TIAM1: variants seen among roughly 807,000 people sequenced by gnomAD.
TIAM1 encodes rho guanine nucleotide exchange factor TIAM1.
TIAM1 carries 65 observed loss-of-function variants against 163.5 expected under a neutral mutation model. The ratio of observed to expected loss-of-function variants is 0.40; its 90% CI spans 0.33 to 0.49. The LOEUF (loss-of-function observed/expected upper bound fraction) is 0.49. TIAM1 is among the 20% of genes least tolerant of loss of function. TIAM1 has a pLI of 0.77. For missense variants in TIAM1, 1,789 were observed against 2,044.7 expected (o/e 0.87, Z 2.41); for synonymous variants, 833 against 810.1 (o/e 1.03, Z -0.48).
rs1277879203 is a variant in TIAM1, at chr21:31,413,126, T to C, written c.-369+50857A>G. Among the ~76,000 whole-genome samples, 4 of 152,064 alleles carry C rather than the reference T, an allele frequency of 2.6e-5. No individual in the cohort carries two copies. The South Asian group carries it at 8.3e-4, about 32-fold the overall frequency. On this transcript the variant is annotated intron_variant, in intron 2 of 28. Transcript: ENST00000286827. ...TAAAATATAAAGAAACAAAATAATATCGTAATTCTCCTTTCTCAGATGCTT... is the reference window on the plus strand; with the variant it reads ...TAAAATATAAAGAAACAAAATAATACCGTAATTCTCCTTTCTCAGATGCTT...
At position 31,210,594 on chromosome 21, in the gene TIAM1, G is replaced by GAA. The variant is rs745349921; in HGVS notation, c.2218-380_2218-379insTT. On this transcript the variant is annotated intron_variant, in intron 10 of 27. Transcript: ENST00000541036. ...AGAAAGAAAGAAAGAAAGAAAGAAAGAGAGAAAGAAGGAAGGAAGGGAGAA... is the reference window on the plus strand; with the variant it reads ...AGAAAGAAAGAAAGAAAGAAAGAAAGAAAGAGAAAGAAGGAAGGAAGGGAGAA... Among the ~76,000 whole-genome samples, 226 of 94,594 alleles carry GAA rather than the reference G, an allele frequency of 2.4e-3. 12 individuals are homozygous for GAA. The highest frequency in any genetic ancestry group is 0.012 in the African/African-American group (194 of 15,916). The allele number at this position is 94,594 out of a possible 152,430, so 62.1% of individuals were successfully genotyped here. A position where few individuals can be genotyped will look rare whatever the true frequency, so the allele number is the denominator to read the frequency against.
At chr21:31,275,599 T>C (rs2073262892) in intron 3 of TIAM1, among the ~76,000 whole-genome samples, 1 of 152,232 alleles carries the variant, frequency 6.6e-6, no homozygotes, top group Admixed American at 6.5e-5. Flanking sequence ...TGTTTTTAAG[T>C]ACCCTCTTCT....
intron 2 of TIAM1, among the ~76,000 whole-genome samples, chr21:31,281,519 T>C (rs747118008): frequency 6.6e-6 from 1 of 152,186 alleles, no homozygotes; most frequent in Non-Finnish European, 1.5e-5. Flanking sequence ...ACATTGAGCT[T>C]AAACAGTGGG....
intron 1 of TIAM1, among the ~76,000 whole-genome samples, chr21:31,544,191 G>C (rs2048412604): frequency 6.6e-6 from 1 of 151,836 alleles, no homozygotes; most frequent in Non-Finnish European, 1.5e-5. Context: ...CAGGGGGGCA[G>C]AGGGAGATGG....
At chr21:31,197,367 A>G (rs1236417692) in intron 12 of TIAM1, among the ~76,000 whole-genome samples, 1 of 151,380 alleles carries the variant, frequency 6.6e-6, no homozygotes, top group Non-Finnish European at 1.5e-5. Flanking sequence ...TCAATATTTC[A>G]TTTTCTTTTT....
At chr21:31,292,817 C>T (rs1486134968) in intron 2 of TIAM1, among the ~76,000 whole-genome samples, 1 of 151,976 alleles carries the variant, frequency 6.6e-6, no homozygotes, top group African/African-American at 2.4e-5. Flanking sequence ...GACAGGTGCG[C>T]ACCACCACGC....
Position 31,141,109 on chromosome 21 carries a change from G to A in TIAM1, c.3774+9C>T. The A allele has an allele frequency of 6.2e-7, 1 of 1,603,934 alleles. No homozygotes were observed. Among genetic ancestry groups the A allele is most frequent in the African/African-American group, 1.3e-5 (1 of 74,684 alleles). On this transcript the variant is annotated intron_variant, in intron 22 of 27. Transcript: ENST00000541036. The surrounding 1 kb of genome is among the most constrained non-coding windows in gnomAD (Gnocchi z 4.7). ...CTGACAGATGTCCTGAGAAGATGGGGACCCTCACCTCTTTTTTCTCACCAG... is the reference window on the plus strand; with the variant it reads ...CTGACAGATGTCCTGAGAAGATGGGAACCCTCACCTCTTTTTTCTCACCAG...
At chr21:31,362,830 T>G (rs1273487485) in intron 2 of TIAM1, among the ~76,000 whole-genome samples, 1 of 152,096 alleles carries the variant, frequency 6.6e-6, no homozygotes, top group Non-Finnish European at 1.5e-5. Flanking sequence ...TCACTCTCAT[T>G]CTTACTTACA....
At chr21:31,183,981 C>G (rs1051510555) in intron 14 of TIAM1, among the ~76,000 whole-genome samples, 1 of 152,154 alleles carries the variant, frequency 6.6e-6, no homozygotes, top group Admixed American at 6.6e-5. Context: ...CGAAGTCTCA[C>G]TCTGTTGCCC....
intron 2 of TIAM1, among the ~76,000 whole-genome samples, chr21:31,288,774 C>T (rs1005516485): frequency 6.6e-6 from 1 of 152,142 alleles, no homozygotes; most frequent in African/African-American, 2.4e-5. Context: ...AAGTTTCAAA[C>T]ATTATCTCAA....
chr21:31,147,149 A>T (rs1236121419), intron 19 of TIAM1, 146 bp from the exon 20 acceptor site: 3 of 658,274 alleles, frequency 4.6e-6, no homozygotes, highest in Middle Eastern at 2.5e-4. Flanking sequence ...TTGCTATCAA[A>T]TGCCCTAAAA....
rs2081965802 is a variant in TIAM1 at position 31,120,636 on chromosome 21, T to C, written c.4508A>G (p.Asp1503Gly). The change falls in exon 28 of 28, where the codon GAC becomes GGC. Residue 1503 changes from aspartate to glycine, a missense_variant. Asp to Gly is a moderately conservative substitution (Grantham distance 94, BLOSUM62 -1). Coordinates refer to ENST00000541036, the MANE Select transcript of TIAM1 (RefSeq NM_001353694.2). The surrounding 1 kb of genome is among the most constrained non-coding windows in gnomAD (Gnocchi z 4.2). ...GAACTCATCATCGTCACTGAGGATG[T>C]CTGTCTCCTTGATGTCATCTTGCTC... ...YEEQDDIKETDILSDDDEFCE... is the reference protein window; with the variant it reads ...YEEQDDIKETGILSDDDEFCE... The C allele has an allele frequency of 6.2e-7, 1 of 1,614,032 alleles. No individual in the cohort carries two copies. The highest frequency in any genetic ancestry group is 1.7e-5 in the Admixed American group (1 of 59,996).
chr21:31,382,677 A>AT (rs1195150473), intron 2 of TIAM1, among the ~76,000 whole-genome samples: 1 of 152,170 alleles, frequency 6.6e-6, no homozygotes, highest in Non-Finnish European at 1.5e-5. Context: ...TATAAAACAG[A>AT]TTTTTTTAAC....
In TIAM1 at chr21:31,509,012, G is replaced by A. The variant is rs142216629; in HGVS notation, c.-421-44977C>T. On this transcript the variant is annotated intron_variant, in intron 1 of 28. Transcript: ENST00000286827. The stretch of plus-strand genomic sequence containing the variant: ...TGCCTCCACCCCCATGTCTAGAGAA[G>A]CCAGCAAGAGGTGAGACCCCCTGGA... 6.0e-4 allele frequency among the ~76,000 whole-genome samples: 92 copies of A among 152,294 alleles called. 1 individual carries two copies. Among genetic ancestry groups the A allele is most frequent in the African/African-American group, 2.1e-3 (87 of 41,552 alleles).
At chr21:31,504,718 C>T (rs1410230954) in intron 1 of TIAM1, among the ~76,000 whole-genome samples, 3 of 152,130 alleles carry the variant, frequency 2.0e-5, no homozygotes, top group African/African-American at 4.8e-5. Context: ...GTTTTTTCTA[C>T]GTTCAGATCC....
intron 15 of TIAM1, among the ~76,000 whole-genome samples, chr21:31,172,561 A>G (rs1172046495): frequency 6.6e-6 from 1 of 152,180 alleles, no homozygotes; most frequent in East Asian, 1.9e-4. Context: ...GCCCATCCAC[A>G]TCCCAGTACT....
At chr21:31,228,415 G>A (rs1852339272) in intron 6 of TIAM1, among the ~76,000 whole-genome samples, 1 of 151,868 alleles carries the variant, frequency 6.6e-6, no homozygotes, top group Non-Finnish European at 1.5e-5. Flanking sequence ...TTGAATATAT[G>A]CATACCCTGT....
At chr21:31,350,838 G>A (rs984054775) in intron 2 of TIAM1, among the ~76,000 whole-genome samples, 1 of 152,210 alleles carries the variant, frequency 6.6e-6, no homozygotes, top group Admixed American at 6.5e-5. Context: ...TACACGATGA[G>A]ACATCTAGCA....
chr21:31,214,043 G>C (rs2087034732), intron 9 of TIAM1, among the ~76,000 whole-genome samples: 1 of 151,860 alleles, frequency 6.6e-6, no homozygotes, highest in Non-Finnish European at 1.5e-5. Context: ...AAAGACAATA[G>C]GTTAGGCGTG....
Sources: allele counts gnomAD v4.1 joint callset (sites outside exome capture counted in the v4.1 genomes callset), GRCh38; gene constraint gnomAD v4.1.1; non-coding constraint Gnocchi (gnomAD v3.1); transcripts MANE v1.5; gene names NCBI Gene and HGNC (gene_info 2026-07-23, HGNC 2026-07-21).